Variants in PPM1B observed in about 807,000 individuals in gnomAD.
PPM1B encodes the protein protein phosphatase 1B.
Under a neutral mutation model 43.0 loss-of-function variants are expected in PPM1B, and 22 were observed. The ratio of observed to expected loss-of-function variants is 0.51; its 90% CI spans 0.37 to 0.73. The LOEUF is 0.73. Among genes scored for constraint, PPM1B ranks in the 30% least tolerant of loss-of-function variants. PPM1B has a pLI of 0.00. For synonymous variants in PPM1B, 217 were observed against 197.9 expected, an observed-to-expected ratio of 1.10 and a Z score of -0.81; for missense variants, 632 against 584.2, an observed-to-expected ratio of 1.08 and a Z score of -0.84.
chr2:44,238,352 T>C (rs367916623), downstream of PPM1B, among the ~76,000 whole-genome samples: 13 of 152,320 alleles, frequency 8.5e-5, 1 homozygote, highest in African/African-American at 3.1e-4. Context: ...AAATTGTAAT[T>C]AAGACTGCTT....
chr2:44,229,199 C>T (rs1055412115), intron 5 of PPM1B, among the ~76,000 whole-genome samples: 9 of 150,074 alleles, frequency 6.0e-5, no homozygotes, highest in African/African-American at 1.5e-4. Context: ...AAAAAAAGAA[C>T]GAAGACATTT....
intron 1 of PPM1B, among the ~76,000 whole-genome samples, chr2:44,178,653 T>G (rs573133681): frequency 7.8e-4 from 118 of 151,692 alleles, no homozygotes; most frequent in Non-Finnish European, 1.5e-3. Flanking sequence ...GTATTTTTAG[T>G]AGAGATGGGG....
Position 44,231,287 on chromosome 2 carries a change from A to C in PPM1B, c.*569A>C. The C allele has an allele frequency of 1.0e-6, 1 of 978,528 alleles. No individual in the cohort carries two copies. The highest frequency in any genetic ancestry group is 1.7e-5 in the African/African-American group (1 of 57,180). 60.6% of individuals were successfully genotyped at this position (978,528 alleles called of 1,614,324 possible). On this transcript the variant is annotated 3_prime_UTR_variant, in exon 6 of 6. Coordinates refer to ENST00000282412, the MANE Select transcript of PPM1B (RefSeq NM_002706.6). The stretch of plus-strand genomic sequence containing the variant: ...GTTGTGAGATATTGGATGTGTGGCT[A>C]TTTTTCCTTTCTCTGTATTCTTTAT...
chr2:44,245,353 G>A (rs986006238), downstream of PPM1B, among the ~76,000 whole-genome samples: 1 of 152,188 alleles, frequency 6.6e-6, no homozygotes, highest in Admixed American at 6.5e-5. Flanking sequence ...CCTCTAGTGT[G>A]AGTGTCAGGA....
chr2:44,246,206 C>G (rs1481261904), downstream of PPM1B, among the ~76,000 whole-genome samples: 2 of 152,104 alleles, frequency 1.3e-5, no homozygotes, highest in African/African-American at 2.4e-5. Context: ...CTCCTTTATT[C>G]TCATTAATAC....
chr2:44,194,825 C>T (rs548816032), intron 1 of PPM1B, among the ~76,000 whole-genome samples: 314 of 151,918 alleles, frequency 2.1e-3, no homozygotes, highest in African/African-American at 7.3e-3. Flanking sequence ...CTCTGGTCCT[C>T]AGCTAAATCT....
At chr2:44,191,960 T>TCTTTC (rs950797581) in intron 1 of PPM1B, among the ~76,000 whole-genome samples, 4 of 152,136 alleles carry the variant, frequency 2.6e-5, no homozygotes. Flanking sequence ...TGTTTAGTTC[T>TCTTTC]CTTTCCTTTT....
chr2:44,218,648 T>C (rs1669836495), intron 5 of PPM1B, 111 bp downstream of exon 5: 1 of 700,906 alleles, frequency 1.4e-6, no homozygotes. Context: ...CTGTAGTAAA[T>C]TACTACTGCT....
At chr2:44,187,206 ATGT>A (rs1422505660) in intron 1 of PPM1B, among the ~76,000 whole-genome samples, 3 of 152,164 alleles carry the variant, frequency 2.0e-5, no homozygotes, top group Non-Finnish European at 4.4e-5. Flanking sequence ...TGTGACTGAC[ATGT>A]TGTCCATGTT....
chr2:44,200,539 C>G (rs901023610), intron 1 of PPM1B, among the ~76,000 whole-genome samples: 1 of 151,964 alleles, frequency 6.6e-6, no homozygotes, highest in African/African-American at 2.4e-5. Flanking sequence ...TTAACAGAAT[C>G]AAAGTAATGA....
chr2:44,188,393 C>CTTTTTTT (rs67959948), intron 1 of PPM1B, among the ~76,000 whole-genome samples: 32 of 92,182 alleles, frequency 3.5e-4, no homozygotes, highest in Non-Finnish European at 4.8e-4. Flanking sequence ...TTCTTTCTTT[C>CTTTTTTT]TTTTTTTTTT....
intron 1 of PPM1B, among the ~76,000 whole-genome samples, chr2:44,171,848 AAAAAG>A (rs1667363625): frequency 7.7e-6 from 1 of 129,794 alleles, no homozygotes; most frequent in South Asian, 2.6e-4. Context: ...AAAAAAAAAA[AAAAAG>A]CTGTATTTCA....
chr2:44,227,789 C>T (rs191566894), intron 5 of PPM1B, among the ~76,000 whole-genome samples: 18 of 151,432 alleles, frequency 1.2e-4, no homozygotes, highest in Non-Finnish European at 2.1e-4. Flanking sequence ...CAAAGTGCTG[C>T]GATTACAGGC....
At chr2:44,212,071 T>G (rs973997474) in intron 3 of PPM1B, among the ~76,000 whole-genome samples, 5 of 152,162 alleles carry the variant, frequency 3.3e-5, no homozygotes, top group Non-Finnish European at 1.5e-5. Context: ...TTTATATGTA[T>G]TAGCATTTTA....
At chr2:44,241,152 C>A (rs1258308958) in intron 5 of PPM1B, among the ~76,000 whole-genome samples, 1 of 143,514 alleles carries the variant, frequency 7.0e-6, no homozygotes, top group Non-Finnish European at 1.6e-5. Context: ...TACAGGAATG[C>A]GTCACCACGC....
Position 44,201,637 on chromosome 2 carries a change from T to A in PPM1B, c.438T>A (p.Phe146Leu), listed in dbSNP as rs1236518677. The A allele has an allele frequency of 1.2e-6, 2 of 1,614,106 alleles. No homozygotes were observed. Among genetic ancestry groups the A allele is most frequent in the African/African-American group, 2.7e-5 (2 of 74,940 alleles). Reference protein sequence around the residue: ...GVMISPKHIYFINCGDSRAVL... With the variant: ...GVMISPKHIYLINCGDSRAVL... ...TGATTTCACCTAAGCATATCTACTT[T>A]ATCAACTGTGGTGATTCACGTGCTG... Residue 146 changes from phenylalanine to leucine, a missense_variant, in exon 2 of 6, where the codon TTT (phenylalanine) becomes TTA (leucine). Phe to Leu is a conservative substitution (Grantham distance 22). Around this residue, in one of 3 missense-constraint regions of PPM1B, gnomAD observed 200 missense variants for 200.7 expected, o/e 1.00. Transcript: ENST00000282412. The surrounding 1 kb of genome is among the most constrained non-coding windows in gnomAD (Gnocchi z 5.4).
At chr2:44,185,384 T>C (rs1046844107) in intron 1 of PPM1B, among the ~76,000 whole-genome samples, 4 of 152,208 alleles carry the variant, frequency 2.6e-5, no homozygotes, top group Non-Finnish European at 5.9e-5. Flanking sequence ...TAGGTCTGCA[T>C]GTAGTTTGGT....
chr2:44,217,982 C>G lies in PPM1B; in HGVS notation c.980C>G (p.Ser327Cys). 1.2e-6 allele frequency: 2 copies of G among 1,603,022 alleles called. No individual in the cohort carries two copies. Among genetic ancestry groups the G allele is most frequent in the African/African-American group, 1.3e-5 (1 of 74,346 alleles). The change falls in exon 4 of 6, where the codon TCT becomes TGT. Residue 327 changes from serine to cysteine, a missense_variant. Ser to Cys is a moderately radical substitution (Grantham distance 112). Transcript: ENST00000282412. ...AAACCTACAGAGATTATGGAGAAGT[C>G]TGGCGAGGAAGGAATGCCTGATCTT... is the stretch of plus-strand genomic sequence containing the variant. ...ESRVEEIMEK[S>C]GEEGMPDLAH... is the part of the protein sequence containing the mutation.
intron 5 of PPM1B, among the ~76,000 whole-genome samples, chr2:44,227,154 T>TA (rs1263900175): frequency 6.6e-6 from 1 of 151,694 alleles, no homozygotes; most frequent in Non-Finnish European, 1.5e-5. Flanking sequence ...AATTTTTGTT[T>TA]TGTAGAGACG....
Sources: gnomAD v4.1 joint callset for allele counts (sites outside exome capture counted in the v4.1 genomes callset) on GRCh38, gnomAD v4.1.1 for gene constraint, gnomAD v4.1.1 regional missense constraint, Gnocchi (gnomAD v3.1) non-coding constraint, MANE v1.5 for transcripts, NCBI Gene and HGNC (gene_info 2026-07-23, HGNC 2026-07-21) for gene names.